Variants in PIP4P2 observed in about 807,000 individuals in gnomAD.
The protein encoded by PIP4P2 is type 2 phosphatidylinositol 4,5-bisphosphate 4-phosphatase.
In PIP4P2, 19 loss-of-function variants were observed where a neutral mutation model predicts 33.3. That is an observed-to-expected ratio of 0.57 (90% confidence interval 0.40 to 0.84). The LOEUF (loss-of-function observed/expected upper bound fraction) is 0.84, where lower values mean the gene tolerates loss of function less well. Ranked by LOEUF, PIP4P2 falls within the 40% of genes least tolerant of loss-of-function variation. The pLI is 0.00. For synonymous variants in PIP4P2, 110 were observed against 111.9 expected (o/e 0.98, Z 0.11); for missense variants, 270 against 324.7 (o/e 0.83, Z 1.29).
chr8:91,025,255 C>T (rs1054226309), intron 1 of PIP4P2, among the ~76,000 whole-genome samples: 5 of 151,994 alleles, frequency 3.3e-5, no homozygotes, highest in Admixed American at 6.6e-5. Flanking sequence ...CAGAGAAAAA[C>T]GGACTCATAA....
At chr8:91,008,096 C>T (rs1427741852) in intron 5 of PIP4P2, among the ~76,000 whole-genome samples, 1 of 152,104 alleles carries the variant, frequency 6.6e-6, no homozygotes, top group Non-Finnish European at 1.5e-5. Flanking sequence ...ATAAATCATA[C>T]CTGTGAGTAC....
At chr8:90,998,958 A>C (rs1305889113) in intron 5 of PIP4P2, among the ~76,000 whole-genome samples, 1 of 152,172 alleles carries the variant, frequency 6.6e-6, no homozygotes, top group Non-Finnish European at 1.5e-5. Context: ...TTGCACATCA[A>C]AGGAAACTAT....
At chr8:91,027,266 T>C (rs190766502) in intron 1 of PIP4P2, among the ~76,000 whole-genome samples, 23 of 152,338 alleles carry the variant, frequency 1.5e-4, no homozygotes, top group African/African-American at 5.3e-4. Context: ...GACCAACTGA[T>C]TGTACCCAAA....
chr8:91,040,507 A>T, intron 1 of PIP4P2, 137 bp downstream of exon 1: 1 of 962,106 alleles, frequency 1.0e-6, no homozygotes, highest in Non-Finnish European at 1.6e-6. Context: ...CTGGGAAGGC[A>T]CAGTCAGCAT....
At chr8:91,013,516 A>G (rs1218519422) in intron 4 of PIP4P2, among the ~76,000 whole-genome samples, 2 of 152,146 alleles carry the variant, frequency 1.3e-5, no homozygotes, top group East Asian at 1.9e-4. Flanking sequence ...ACGTTAGTTT[A>G]TATTAAATCA....
At chr8:91,011,022 A>AT (rs913773064) in intron 4 of PIP4P2, among the ~76,000 whole-genome samples, 15 of 45,220 alleles carry the variant, frequency 3.3e-4, no homozygotes, top group African/African-American at 6.1e-4. Flanking sequence ...TCTTACTGAG[A>AT]TAGATAGATA....
chr8:91,029,305 A>G (rs760546256), intron 1 of PIP4P2, among the ~76,000 whole-genome samples: 1 of 152,110 alleles, frequency 6.6e-6, no homozygotes, highest in Non-Finnish European at 1.5e-5. Context: ...AAAGAAAAAA[A>G]AAAAGAAATT....
intron 1 of PIP4P2, among the ~76,000 whole-genome samples, chr8:91,040,338 T>C (rs1007983446): frequency 5.3e-5 from 8 of 151,908 alleles, no homozygotes; most frequent in African/African-American, 7.3e-5. Context: ...GCTTGGGAAA[T>C]TCATGTCACA....
chr8:91,040,829 TGCTGCCGCTGCTGCCGCTGCA>T lies in PIP4P2; in HGVS notation c.-101_-81del, dbSNP rs1386386836. 2 of 1,151,334 alleles carry T rather than the reference TGCTGCCGCTGCTGCCGCTGCA, an allele frequency of 1.7e-6. No individual in the cohort carries two copies. The highest frequency in any genetic ancestry group is 2.9e-5 in the East Asian group (1 of 34,598). 71.3% of individuals were successfully genotyped at this position (1,151,334 alleles called of 1,614,324 possible). ...GAGTGGTGGCTACTGCTGCTGCCTC[TGCTGCCGCTGCTGCCGCTGCA>T]GCTGCTGCTGCTGCCGCCTCCGGGA... is the stretch of plus-strand genomic sequence containing the variant. On this transcript the variant is annotated 5_prime_UTR_variant, in exon 1 of 7. Transcript: ENST00000285419.
chr8:91,038,859 A>G (rs554567940), intron 1 of PIP4P2, among the ~76,000 whole-genome samples: 5 of 152,358 alleles, frequency 3.3e-5, no homozygotes, highest in Admixed American at 2.0e-4. Context: ...ATAAGGCAGA[A>G]GCAGCTTTTT....
At chr8:91,028,271 AAGAG>A (rs928131294) in intron 1 of PIP4P2, among the ~76,000 whole-genome samples, 1 of 152,174 alleles carries the variant, frequency 6.6e-6, no homozygotes, top group African/African-American at 2.4e-5. Flanking sequence ...AGCCACAAGA[AAGAG>A]AGAGTCACAA....
At chr8:91,007,491 G>C in intron 5 of PIP4P2, among the ~76,000 whole-genome samples, 1 of 152,060 alleles carries the variant, frequency 6.6e-6, no homozygotes, top group East Asian at 1.9e-4. Flanking sequence ...ATTAAAATAT[G>C]AATATTATTT....
At chr8:90,998,666 G>A (rs1260228961) in intron 5 of PIP4P2, among the ~76,000 whole-genome samples, 1 of 151,988 alleles carries the variant, frequency 6.6e-6, no homozygotes, top group African/African-American at 2.4e-5. Context: ...AATGGGGAAA[G>A]GATTCCCTAT....
chr8:91,033,904 T>C (rs1277225077), intron 1 of PIP4P2, among the ~76,000 whole-genome samples: 1 of 152,178 alleles, frequency 6.6e-6, no homozygotes, highest in Non-Finnish European at 1.5e-5. Flanking sequence ...ATCAGGCTCA[T>C]GAGTAGCTGG....
chr8:91,022,692 A>G (rs774002318), intron 1 of PIP4P2, among the ~76,000 whole-genome samples: 16 of 152,226 alleles, frequency 1.1e-4, no homozygotes, highest in Non-Finnish European at 1.8e-4. Flanking sequence ...TGATATTTTA[A>G]AAAGAATTAG....
At position 91,019,384 on chromosome 8, in the gene PIP4P2, C is replaced by A. The variant is rs547789463; in HGVS notation, c.362+773G>T. On this transcript the variant is annotated intron_variant, in intron 3 of 6. Coordinates refer to ENST00000285419, the MANE Select transcript of PIP4P2 (RefSeq NM_018710.3). ...AGACAGCCCGGGCAATATGGTGAAA[C>A]CCTGTCTCTACAAAAAAAAAAAAAA... 1.1e-3 allele frequency among the ~76,000 whole-genome samples: 113 copies of A among 98,858 alleles called. 1 individual carries two copies. Among genetic ancestry groups the A allele is most frequent in the African/African-American group, 4.2e-3 (109 of 25,648 alleles). The allele number at this position is 98,858 out of a possible 152,430, so 64.9% of individuals were successfully genotyped here. A position where few individuals can be genotyped will look rare whatever the true frequency, so the allele number is the denominator to read the frequency against.
Position 91,011,751 on chromosome 8 carries a change from G to A in PIP4P2, c.487-2956C>T, listed in dbSNP as rs535623598. ...ATTTATCCATGGTCCCAGCTAGGCT[G>A]TGGTATGAATAGTGTAAATATTGTG... On this transcript the variant is annotated intron_variant, in intron 4 of 6. Coordinates refer to ENST00000285419, the MANE Select transcript of PIP4P2 (RefSeq NM_018710.3). Among the ~76,000 whole-genome samples, 9 of 152,084 alleles carry A rather than the reference G, an allele frequency of 5.9e-5. No individual in the cohort carries two copies. The South Asian group carries it at 1.9e-3, about 32-fold the overall frequency.
At chr8:91,030,528 G>T (rs549178758) in intron 1 of PIP4P2, among the ~76,000 whole-genome samples, 4 of 152,238 alleles carry the variant, frequency 2.6e-5, no homozygotes, top group African/African-American at 9.6e-5. Context: ...AAAGTTTAAT[G>T]TATTTATTAC....
At chr8:91,026,180 G>A (rs891240349) in intron 1 of PIP4P2, among the ~76,000 whole-genome samples, 1 of 152,124 alleles carries the variant, frequency 6.6e-6, no homozygotes, top group Non-Finnish European at 1.5e-5. Flanking sequence ...CAAGGCTGGA[G>A]GAGAAATAAG....
Sources: gnomAD v4.1 joint callset for allele counts (sites outside exome capture counted in the v4.1 genomes callset) on GRCh38, gnomAD v4.1.1 for gene constraint, MANE v1.5 for transcripts, NCBI Gene and HGNC (gene_info 2026-07-23, HGNC 2026-07-21) for gene names.